The following SH3TC1 variants were observed in gnomAD, a reference collection of about 807,000 sequenced individuals.
SH3TC1 encodes the protein SH3 domain and tetratricopeptide repeat-containing protein 1.
SH3TC1 carries 135 observed loss-of-function variants against 117.3 expected under a neutral mutation model. That is an observed-to-expected ratio of 1.15 (90% CI 1.00 to 1.33). The LOEUF is 1.33. SH3TC1 is among the 40% of genes most tolerant of loss of function. The probability of loss-of-function intolerance (pLI) is 0.00; values close to 1 mark genes in which losing one functional copy is unlikely to be tolerated. For missense variants in SH3TC1, 2,092 were observed against 1,794.3 expected, an observed-to-expected ratio of 1.17 and a Z score of -3.00; for synonymous variants, 898 against 816.9, an observed-to-expected ratio of 1.10 and a Z score of -1.69.
chr4:8,227,635 C>G lies in SH3TC1; in HGVS notation c.1941C>G (p.Leu647=). 1 of 1,526,846 alleles carries G rather than the reference C, an allele frequency of 6.5e-7. No individual in the cohort carries two copies. The highest frequency in any genetic ancestry group is 8.8e-7 in the Non-Finnish European group (1 of 1,140,372). 94.6% of individuals were successfully genotyped at this position (1,526,846 alleles called of 1,614,324 possible). A position where few individuals can be genotyped will look rare whatever the true frequency, so the allele number is the denominator to read the frequency against. Reference sequence around the variant, plus strand: ...GCAGCACCGAGGCGGAGGGGGAGCTCCTGCAGCTGGCGCTGCGGCGGGCGG... The same window carrying G: ...GCAGCACCGAGGCGGAGGGGGAGCTGCTGCAGCTGGCGCTGCGGCGGGCGG... ...HICSTEAEGE[L]LQLALRRAVG... The change falls in exon 12 of 18, where the codon CTC becomes CTG. Residue 647 remains leucine (L), a synonymous_variant. Transcript: ENST00000245105.
chr4:8,189,017 C>T (rs747633521), intron 1 of SH3TC1, among the ~76,000 whole-genome samples: 17 of 152,258 alleles, frequency 1.1e-4, no homozygotes, highest in East Asian at 3.8e-4. Flanking sequence ...TGCTGCAAGC[C>T]GGTGGTTCCC....
intron 9 of SH3TC1, among the ~76,000 whole-genome samples, chr4:8,220,770 G>T (rs951430235): frequency 1.3e-5 from 2 of 152,150 alleles, no homozygotes; most frequent in Non-Finnish European, 2.9e-5. Context: ...CTCAGAGGCC[G>T]TTTGTCACCA....
chr4:8,237,419 A>ATGCCTGCTCCTGAGGGGCCTGTGCTC, intron 16 of SH3TC1, 55 bp from the exon 17 acceptor site: 3 of 1,428,990 alleles, frequency 2.1e-6, no homozygotes. Context: ...CGGGGTCTGC[A>ATGCCTGCTCCTGAGGGGCCTGTGCTC]TGCCTGCCCC....
intron 10 of SH3TC1, 82 bp downstream of exon 10, chr4:8,223,052 G>T (rs953546720): frequency 6.6e-7 from 1 of 1,518,236 alleles, no homozygotes; most frequent in Non-Finnish European, 8.9e-7. Flanking sequence ...TCCATCCACA[G>T]ATAGTGCCAG....
chr4:8,232,733 C>A, intron 13 of SH3TC1: 1 of 1,289,920 alleles, frequency 7.8e-7, no homozygotes, highest in Non-Finnish European at 1.0e-6. Flanking sequence ...TGCACTCACA[C>A]CCCTTCGACT....
At chr4:8,238,755 C>G (rs2152999257) in intron 17 of SH3TC1, among the ~76,000 whole-genome samples, 1 of 152,344 alleles carries the variant, frequency 6.6e-6, no homozygotes, top group South Asian at 2.1e-4. Flanking sequence ...GGGGACGGGC[C>G]TTCCAGAGGG....
In SH3TC1 at chr4:8,230,699, TTTC is replaced by T. The variant is rs528877881; in HGVS notation, c.2951-1274_2951-1272del. ...GGTTTTTGATTTGAGATTTTTCTTC[TTTC>T]TTTGCATGTAGACATTTAGAGTTAC... On this transcript the variant is annotated intron_variant, in intron 12 of 17. Transcript: ENST00000245105. Among the ~76,000 whole-genome samples, 706 of 152,326 alleles carry T rather than the reference TTTC, an allele frequency of 4.6e-3. 1 individual carries two copies. The highest frequency in any genetic ancestry group is 7.8e-3 in the Non-Finnish European group (530 of 68,038).
chr4:8,238,594 G>A (rs990073942), intron 17 of SH3TC1, among the ~76,000 whole-genome samples: 3 of 152,084 alleles, frequency 2.0e-5, no homozygotes, highest in Non-Finnish European at 2.9e-5. Flanking sequence ...GGCAGGCCTG[G>A]GGCTGCCAGG....
chr4:8,202,807 C>T (rs548708227), intron 1 of SH3TC1, among the ~76,000 whole-genome samples: 2 of 152,232 alleles, frequency 1.3e-5, no homozygotes, highest in African/African-American at 4.8e-5. Flanking sequence ...ACCTCCCTCA[C>T]GGAACCATCA....
chr4:8,205,551 G>C lies in SH3TC1; in HGVS notation c.172+185G>C. The C allele has an allele frequency of 1.1e-6, 1 of 886,288 alleles. No individual in the cohort carries two copies. The allele number at this position is 886,288 out of a possible 1,614,324, so 54.9% of individuals were successfully genotyped here. The stretch of plus-strand genomic sequence containing the variant: ...GTGTTTAACAGGAGCCACTGTGCCC[G>C]CTGAGTCACTTGAGAGGCCAGGGCC... On this transcript the variant is annotated intron_variant, in intron 2 of 17. Coordinates refer to ENST00000245105, the MANE Select transcript of SH3TC1 (RefSeq NM_018986.5). This position sits in a 1 kb window ranked among gnomAD's most constrained non-coding sequence, Gnocchi z 5.4.
At chr4:8,184,269 C>T (rs1717162528) in intron 1 of SH3TC1, among the ~76,000 whole-genome samples, 1 of 152,248 alleles carries the variant, frequency 6.6e-6, no homozygotes, top group Non-Finnish European at 1.5e-5. Context: ...CCCACTCCAA[C>T]ATTGAGACAC....
intron 17 of SH3TC1, among the ~76,000 whole-genome samples, chr4:8,239,787 C>A (rs898692918): frequency 1.1e-4 from 17 of 152,354 alleles, no homozygotes; most frequent in African/African-American, 3.6e-4. Flanking sequence ...GCCCTGGCCA[C>A]CCTGTGTGAT....
intron 13 of SH3TC1, 196 bp from the exon 14 acceptor site, chr4:8,233,167 G>T: frequency 7.2e-7 from 1 of 1,395,162 alleles, no homozygotes; most frequent in Non-Finnish European, 9.3e-7. Flanking sequence ...CCCTCAGAAG[G>T]ATGTCCTTCG....
intron 1 of SH3TC1, among the ~76,000 whole-genome samples, chr4:8,199,932 C>G (rs538798375): frequency 7.2e-5 from 11 of 152,332 alleles, no homozygotes; most frequent in African/African-American, 2.6e-4. Context: ...GCAACTGGAC[C>G]AGGGGCTTCA....
intron 1 of SH3TC1, among the ~76,000 whole-genome samples, chr4:8,184,083 G>C (rs1161729263): frequency 6.6e-6 from 1 of 152,150 alleles, no homozygotes; most frequent in Non-Finnish European, 1.5e-5. Flanking sequence ...TCAGCTGACA[G>C]AGCATGAAGG....
In SH3TC1 at chr4:8,235,477, G is replaced by T; in HGVS notation, c.3327G>T (p.Gly1109=). Residue 1109 remains glycine (G), a synonymous_variant, in exon 15 of 18, where the codon GGG becomes GGT. Coordinates refer to ENST00000245105, the MANE Select transcript of SH3TC1 (RefSeq NM_018986.5). The part of the protein sequence containing the change: ...VALYTGDPNL[G]LELFEAAGDI... ...TGTACACAGGCGACCCCAACCTGGG[G>T]CTGGAGCTGTTTGAGGCGGCTGGAG... 6.2e-7 allele frequency: 1 copy of T among 1,603,394 alleles called. No individual in the cohort carries two copies. Among genetic ancestry groups the T allele is most frequent in the African/African-American group, 1.3e-5 (1 of 74,656 alleles).
At position 8,225,140 on chromosome 4, in the gene SH3TC1, G is replaced by C; in HGVS notation, c.1244-35G>C. On this transcript the variant is annotated intron_variant, in intron 10 of 17. Coordinates refer to ENST00000245105, the MANE Select transcript of SH3TC1 (RefSeq NM_018986.5). The surrounding 1 kb of genome is among the most constrained non-coding windows in gnomAD (Gnocchi z 5.5). ...GGCAGGGGACCAGAGGTACTGGCTG[G>C]GGGTGTTGATTGCTTCTCTTTTCTC... is the stretch of plus-strand genomic sequence containing the variant. The C allele has an allele frequency of 1.9e-6, 3 of 1,613,174 alleles. No individual in the cohort carries two copies. Among genetic ancestry groups the C allele is most frequent in the Non-Finnish European group, 2.5e-6 (3 of 1,179,616 alleles).
chr4:8,191,270 ACGCC>A (rs1164870063), intron 1 of SH3TC1, among the ~76,000 whole-genome samples: 1 of 151,978 alleles, frequency 6.6e-6, no homozygotes, highest in Non-Finnish European at 1.5e-5. Context: ...CTCCAGGCTG[ACGCC>A]TGCCCCGACA....
intron 16 of SH3TC1, 46 bp from the exon 17 acceptor site, chr4:8,237,428 C>T: frequency 6.9e-7 from 1 of 1,445,128 alleles, no homozygotes; most frequent in South Asian, 1.4e-5. Context: ...CATGCCTGCC[C>T]CGGGGAGCCA....
Sources: gnomAD v4.1 joint callset for allele counts (sites outside exome capture counted in the v4.1 genomes callset) on GRCh38, gnomAD v4.1.1 for gene constraint, Gnocchi (gnomAD v3.1) non-coding constraint, MANE v1.5 for transcripts, NCBI Gene and HGNC (gene_info 2026-07-23, HGNC 2026-07-21) for gene names.